The following MACF1 variants were observed in gnomAD, a reference collection of about 807,000 sequenced individuals.
MACF1 encodes the protein microtubule actin crosslinking factor 1, also known as microtubule-actin cross-linking factor 1.
MACF1 carries 193 observed loss-of-function variants against 854.8 expected under a neutral mutation model. The ratio of observed to expected loss-of-function variants is 0.23; its 90% CI spans 0.20 to 0.25. The LOEUF is 0.25. Ranked by LOEUF, MACF1 falls within the 10% of genes least tolerant of loss-of-function variation. The pLI is 1.00. For synonymous variants in MACF1, 3,185 were observed against 3,226.7 expected (o/e 0.99, Z 0.44); for missense variants, 7,722 against 8,929.1 (o/e 0.86, Z 5.45).
chr1:39,448,184 C>T, intron 83 of MACF1, 32 bp downstream of exon 83: 2 of 1,589,488 alleles, frequency 1.3e-6, no homozygotes, highest in Non-Finnish European at 1.7e-6. Context: ...AGGTCCCAAG[C>T]CATAGTATTC....
At chr1:39,410,654 G>C in intron 58 of MACF1, 1 of 1,613,936 alleles carries the variant, frequency 6.2e-7, no homozygotes, top group Non-Finnish European at 8.5e-7. Flanking sequence ...AATGTTAACA[G>C]GAGATCGTGG....
chr1:39,186,170 ATCTCTCTCTCTCTCTCTCTCTCTCTCTC>A (rs55658204), intron 2 of MACF1, among the ~76,000 whole-genome samples: 1 of 109,960 alleles, frequency 9.1e-6, no homozygotes, highest in Non-Finnish European at 1.8e-5. Context: ...GATTCTGAAC[ATCTCTCTCTCTCTCTCTCTCTCTCTCTC>A]TCTCTCTCTC....
chr1:39,331,793 G>C lies in MACF1; in HGVS notation c.5205G>C (p.Gly1735=), dbSNP rs199821122. The change falls in exon 37 of 101, where the codon GGG becomes GGC. Residue 1735 remains glycine (G), a synonymous_variant. Transcript: ENST00000564288. The part of the protein sequence containing the change: ...FKLLPVKQLA[G]GMVSLKSGRK... ...TACTGCCTGTCAAACAATTGGCAGG[G>C]GGGATGGTGAGCTTGAAATCAGGCC... 1 of 1,614,040 alleles carries C rather than the reference G, an allele frequency of 6.2e-7. No homozygotes were observed. Among genetic ancestry groups the C allele is most frequent in the Non-Finnish European group, 8.5e-7 (1 of 1,180,040 alleles).
In MACF1 at chr1:39,316,409, T is replaced by C; in HGVS notation, c.3468T>C (p.Val1156=). The part of the protein sequence containing the change: ...VYLNKLKTVD[V]IVRSIQDAEL... ...CCCACAGGTTAAAGACAGTTGATGT[T>C]ATAGTACGTAGCATACAGGATGCTG... Residue 1156 remains valine, a synonymous_variant, in exon 28 of 101, where the codon GTT becomes GTC. Transcript: ENST00000564288. The C allele has an allele frequency of 6.2e-7, 1 of 1,612,334 alleles. No homozygotes were observed. The highest frequency in any genetic ancestry group is 1.7e-5 in the Admixed American group (1 of 59,790).
chr1:39,201,323 ATC>A (rs1369045976), upstream of MACF1, among the ~76,000 whole-genome samples: 1 of 151,840 alleles, frequency 6.6e-6, no homozygotes, highest in Non-Finnish European at 1.5e-5. Context: ...ACCCACTCTT[ATC>A]TCTCAGTAGT....
chr1:39,311,985 TA>T (rs954370447), intron 26 of MACF1, among the ~76,000 whole-genome samples: 2 of 151,852 alleles, frequency 1.3e-5, no homozygotes, highest in African/African-American at 4.8e-5. Flanking sequence ...GAGAGGGAGG[TA>T]ATATGAGGCA....
At chr1:39,192,893 T>C (rs1644273330) in intron 2 of MACF1, among the ~76,000 whole-genome samples, 1 of 152,176 alleles carries the variant, frequency 6.6e-6, no homozygotes, top group African/African-American at 2.4e-5. Flanking sequence ...GGATATCACC[T>C]GAGGTCAGGA....
intron 49 of MACF1, among the ~76,000 whole-genome samples, chr1:39,367,029 C>A (rs1285569385): frequency 1.3e-5 from 2 of 148,490 alleles, no homozygotes; most frequent in Non-Finnish European, 3.0e-5. Context: ...CTCACTGCAA[C>A]CTCCTCCTCG....
At chr1:39,393,210 T>C (rs1325228426) in intron 58 of MACF1, among the ~76,000 whole-genome samples, 1 of 135,442 alleles carries the variant, frequency 7.4e-6, no homozygotes, top group Non-Finnish European at 1.6e-5. Flanking sequence ...TATATATATA[T>C]ATATATATAT....
At chr1:39,353,647 C>CT (rs1647282897) in intron 44 of MACF1, among the ~76,000 whole-genome samples, 1 of 152,148 alleles carries the variant, frequency 6.6e-6, no homozygotes, top group East Asian at 1.9e-4. Flanking sequence ...ATCTGTCTGC[C>CT]TATTTGCAAC....
At chr1:39,368,047 T>A (rs1648894201) in intron 49 of MACF1, 101 bp from the exon 50 acceptor site, 2 of 800,916 alleles carry the variant, frequency 2.5e-6, no homozygotes, top group Non-Finnish European at 3.9e-6. Flanking sequence ...ATTGTTTTGA[T>A]CTAGCATTTG....
chr1:39,459,896 C>A, intron 91 of MACF1: 2 of 1,235,576 alleles, frequency 1.6e-6, no homozygotes, highest in Admixed American at 5.0e-5. Context: ...TTATTGGGTT[C>A]TTGGTGCTTT....
At chr1:39,474,032 T>C (rs1020172568) in intron 97 of MACF1, among the ~76,000 whole-genome samples, 1 of 151,976 alleles carries the variant, frequency 6.6e-6, no homozygotes, top group Non-Finnish European at 1.5e-5. Context: ...GTAGGGAAGA[T>C]CACTTCAGGC....
chr1:39,194,104 A>C (rs1003230674), intron 2 of MACF1, among the ~76,000 whole-genome samples: 2 of 152,046 alleles, frequency 1.3e-5, no homozygotes, highest in African/African-American at 4.8e-5. Context: ...AAGTGCTGGG[A>C]TTACAGGCAT....
At chr1:39,355,896 T>C (rs1172150595) in intron 44 of MACF1, among the ~76,000 whole-genome samples, 5 of 152,180 alleles carry the variant, frequency 3.3e-5, no homozygotes, top group Non-Finnish European at 7.3e-5. Flanking sequence ...ACAGTCTTGC[T>C]ATGTTGTTGC....
chr1:39,322,113 C>T (rs1252305858), intron 31 of MACF1, among the ~76,000 whole-genome samples: 2 of 152,142 alleles, frequency 1.3e-5, no homozygotes, highest in African/African-American at 2.4e-5. Flanking sequence ...CTAATCCTAA[C>T]TCTGTTAACA....
In MACF1 at chr1:39,451,119, G is replaced by A; in HGVS notation, c.20326G>A (p.Asp6776Asn). The A allele has an allele frequency of 1.2e-6, 2 of 1,614,182 alleles. No individual in the cohort carries two copies. Among genetic ancestry groups the A allele is most frequent in the South Asian group, 2.2e-5 (2 of 91,076 alleles). Reference sequence around the variant, plus strand: ...CATGGATGCTTTGCAGGCATTGGTTGACTGGTTATACAAGGTGGAGCCACA... The same window carrying A: ...CATGGATGCTTTGCAGGCATTGGTTAACTGGTTATACAAGGTGGAGCCACA... ...QFMDALQALV[D>N]WLYKVEPQLA... Residue 6776 changes from aspartate (D) to asparagine (N), a missense_variant, in exon 85 of 101, where the codon GAC becomes AAC. Physicochemically the swap from Asp to Asn is conservative, Grantham distance 23 (BLOSUM62 1). This residue lies in a region of MACF1 where 729 missense variants were observed against 900.5 expected (regional missense o/e 0.81). Coordinates refer to ENST00000564288, the MANE Select transcript of MACF1 (RefSeq NM_001394062.1).
At chr1:39,389,351 GTT>G (rs10588247) in intron 58 of MACF1, among the ~76,000 whole-genome samples, 7 of 63,470 alleles carry the variant, frequency 1.1e-4, no homozygotes, top group Admixed American at 2.7e-4. Flanking sequence ...GTTTTTGTGT[GTT>G]TTTTTTTTTT....
intron 21 of MACF1, among the ~76,000 whole-genome samples, chr1:39,298,501 AACTT>A (rs946528462): frequency 6.6e-6 from 1 of 152,224 alleles, no homozygotes; most frequent in African/African-American, 2.4e-5. Flanking sequence ...TGCAATAGGG[AACTT>A]ACTTTTCCTT....
Sources: gnomAD v4.1 joint callset for allele counts (sites outside exome capture counted in the v4.1 genomes callset) on GRCh38, gnomAD v4.1.1 for gene constraint, gnomAD v4.1.1 regional missense constraint, MANE v1.5 for transcripts, NCBI Gene and HGNC (gene_info 2026-07-23, HGNC 2026-07-21) for gene names.